The following TMEM178B variants were observed in gnomAD, a reference collection of about 807,000 sequenced individuals.
TMEM178B encodes the protein transmembrane protein 178B.
Under a neutral mutation model 31.0 loss-of-function variants are expected in TMEM178B, and 5 were observed. That is an observed-to-expected ratio of 0.16 (90% CI 0.08 to 0.34). TMEM178B has a LOEUF of 0.34. TMEM178B is among the 10% of genes least tolerant of loss of function. The pLI is 1.00. For missense variants in TMEM178B, 275 were observed against 400.3 expected (o/e 0.69, Z 2.67); for synonymous variants, 164 against 164.0 (o/e 1.00, Z 0.00).
chr7:141,206,679 C>T (rs897452812), intron 1 of TMEM178B, among the ~76,000 whole-genome samples: 1 of 152,196 alleles, frequency 6.6e-6, no homozygotes, highest in Non-Finnish European at 1.5e-5. Flanking sequence ...GCCTTGGGGT[C>T]ATACCAGCTA....
intron 2 of TMEM178B, among the ~76,000 whole-genome samples, chr7:141,323,357 T>C (rs2116477684): frequency 6.6e-6 from 1 of 152,338 alleles, no homozygotes; most frequent in South Asian, 2.1e-4. Context: ...AATAAACATA[T>C]GAGATACATA....
intron 1 of TMEM178B, among the ~76,000 whole-genome samples, chr7:141,190,222 G>A (rs778966977): frequency 3.3e-5 from 5 of 152,134 alleles, no homozygotes; most frequent in Admixed American, 3.3e-4. Flanking sequence ...TACCTTAAGT[G>A]TGCTCAGAAT....
chr7:141,345,645 A>G (rs1302300169), intron 2 of TMEM178B, among the ~76,000 whole-genome samples: 1 of 152,186 alleles, frequency 6.6e-6, no homozygotes, highest in Non-Finnish European at 1.5e-5. Context: ...TTCGTGTTTC[A>G]CAGAAAATGC....
chr7:141,348,804 G>A (rs773299126), intron 2 of TMEM178B, among the ~76,000 whole-genome samples: 3 of 152,166 alleles, frequency 2.0e-5, no homozygotes, highest in Non-Finnish European at 4.4e-5. Context: ...GTCTAGTTAA[G>A]CTAATGAAAC....
intron 2 of TMEM178B, among the ~76,000 whole-genome samples, chr7:141,282,852 T>A (rs568284093): frequency 6.6e-6 from 1 of 152,246 alleles, no homozygotes; most frequent in East Asian, 1.9e-4. Context: ...CCCAACTGCA[T>A]TGGGATGAAA....
rs1802394240 is a variant in TMEM178B, at chr7:141,477,469, C to T, written c.*6683C>T. 6.6e-6 allele frequency: 1 copy of T among 152,108 alleles called. No individual in the cohort carries two copies. Among genetic ancestry groups the T allele is most frequent in the African/African-American group, 2.4e-5 (1 of 41,398 alleles). The allele number at this position is 152,108 out of a possible 1,614,324, so 9.4% of individuals were successfully genotyped here. A position where few individuals can be genotyped will look rare whatever the true frequency, so the allele number is the denominator to read the frequency against. ...CACAGTCATCAGTGTCTGCTTAGAA[C>T]TCTCTGTTCTAAAGGTTTTTCCCTG... On this transcript the variant is annotated 3_prime_UTR_variant, in exon 4 of 4. Transcript: ENST00000565468.
chr7:141,451,103 G>A (rs1801854282), intron 3 of TMEM178B, among the ~76,000 whole-genome samples: 1 of 152,186 alleles, frequency 6.6e-6, no homozygotes, highest in African/African-American at 2.4e-5. Flanking sequence ...GAAGGAGGAA[G>A]ACAGGTCAAG....
chr7:141,250,287 C>T (rs1239777696), intron 2 of TMEM178B, among the ~76,000 whole-genome samples: 3 of 152,158 alleles, frequency 2.0e-5, no homozygotes, highest in Non-Finnish European at 4.4e-5. Context: ...ATCTTCATAC[C>T]AGCCTTATGC....
chr7:141,422,670 A>G lies in TMEM178B; in HGVS notation c.497-14938A>G, dbSNP rs1801234661. Among the ~76,000 whole-genome samples, 1 of 152,116 alleles carries G rather than the reference A, an allele frequency of 6.6e-6. No homozygotes were observed. The highest frequency in any genetic ancestry group is 1.5e-5 in the Non-Finnish European group (1 of 68,018). On this transcript the variant is annotated intron_variant, in intron 2 of 3. Coordinates refer to ENST00000565468, the MANE Select transcript of TMEM178B (RefSeq NM_001195278.2). This position sits in a 1 kb window ranked among gnomAD's most constrained non-coding sequence, Gnocchi z 4.2. The stretch of plus-strand genomic sequence containing the variant: ...CCTCTAAATTCTAGAGTACCTGCAC[A>G]TAGCTCTCTGTGTGGTTCTCTTGAG...
intron 3 of TMEM178B, among the ~76,000 whole-genome samples, chr7:141,440,793 A>G (rs1240818271): frequency 6.6e-6 from 1 of 152,214 alleles, no homozygotes; most frequent in African/African-American, 2.4e-5. Flanking sequence ...ACCTTCCAGG[A>G]TGGAGCAAAT....
At chr7:141,237,915 C>T (rs1223097414) in intron 2 of TMEM178B, among the ~76,000 whole-genome samples, 3 of 151,068 alleles carry the variant, frequency 2.0e-5, no homozygotes, top group Admixed American at 6.6e-5. Context: ...CTCAGCTACT[C>T]GGGAGGCTGA....
At chr7:141,506,643 A>G in the TMEM178B span, among the ~76,000 whole-genome samples, 1 of 152,254 alleles carries the variant, frequency 6.6e-6, no homozygotes, top group Non-Finnish European at 1.5e-5. Flanking sequence ...GACACAGCCA[A>G]ACCATACCAT....
chr7:141,385,787 A>C (rs959327333), intron 2 of TMEM178B, among the ~76,000 whole-genome samples: 1 of 152,130 alleles, frequency 6.6e-6, no homozygotes, highest in African/African-American at 2.4e-5. Flanking sequence ...AACAGCTGTT[A>C]CCAGTCCCTT....
At chr7:141,490,770 TC>T in the TMEM178B span, among the ~76,000 whole-genome samples, 1 of 152,236 alleles carries the variant, frequency 6.6e-6, no homozygotes, top group Non-Finnish European at 1.5e-5. Context: ...TTGCTCCCTT[TC>T]TTCAGCAGCT....
At chr7:141,374,682 T>C (rs185170787) in intron 2 of TMEM178B, among the ~76,000 whole-genome samples, 21 of 152,366 alleles carry the variant, frequency 1.4e-4, no homozygotes, top group Non-Finnish European at 2.8e-4. Flanking sequence ...TAAGCATTCA[T>C]GGGACTTCCT....
chr7:141,279,467 A>G (rs1177278727), intron 2 of TMEM178B, among the ~76,000 whole-genome samples: 2 of 152,194 alleles, frequency 1.3e-5, no homozygotes, highest in Admixed American at 1.3e-4. Flanking sequence ...ATATTGGGAA[A>G]CACTGTGTGA....
chr7:141,259,264 G>A (rs1464345435), intron 2 of TMEM178B, among the ~76,000 whole-genome samples: 1 of 151,964 alleles, frequency 6.6e-6, no homozygotes, highest in Non-Finnish European at 1.5e-5. Flanking sequence ...TTTATTTGTT[G>A]TTATATCTTT....
the TMEM178B span, among the ~76,000 whole-genome samples, chr7:141,490,775 A>G: frequency 6.6e-6 from 1 of 152,214 alleles, no homozygotes; most frequent in Non-Finnish European, 1.5e-5. Flanking sequence ...CCCTTTCTTC[A>G]GCAGCTTCCC....
rs1034549049 is a variant in TMEM178B, at chr7:141,212,641, A to G, written c.433A>G (p.Ile145Val). 6.5e-7 allele frequency: 1 copy of G among 1,536,128 alleles called. No individual in the cohort carries two copies. Among genetic ancestry groups the G allele is most frequent in the Non-Finnish European group, 8.7e-7 (1 of 1,146,906 alleles). Residue 145 changes from isoleucine (I) to valine (V), a missense_variant, in exon 2 of 4, where the codon ATC becomes GTC. Ile to Val is a conservative substitution (Grantham distance 29). Coordinates refer to ENST00000565468, the MANE Select transcript of TMEM178B (RefSeq NM_001195278.2). ...CAAATACCACTACTCCTCAGCAACCATCCCCAGGAACCTCACTTTCAATAT... is the reference window on the plus strand; with the variant it reads ...CAAATACCACTACTCCTCAGCAACCGTCCCCAGGAACCTCACTTTCAATAT... ...YIKYHYSSATIPRNLTFNITK... is the reference protein window; with the variant it reads ...YIKYHYSSATVPRNLTFNITK...
Sources: allele counts gnomAD v4.1 joint callset (sites outside exome capture counted in the v4.1 genomes callset), GRCh38; gene constraint gnomAD v4.1.1; non-coding constraint Gnocchi (gnomAD v3.1); transcripts MANE v1.5; gene names NCBI Gene and HGNC (gene_info 2026-07-23, HGNC 2026-07-21).